The following CRYBG1 variants were observed in gnomAD, a reference collection of about 807,000 sequenced individuals.
CRYBG1 encodes crystallin beta-gamma domain containing 1.
In CRYBG1, 139 loss-of-function variants were observed where a neutral mutation model predicts 189.2. The ratio of observed to expected loss-of-function variants is 0.73; its 90% confidence interval spans 0.64 to 0.85. The LOEUF is 0.85. CRYBG1 is among the 40% of genes least tolerant of loss of function. The pLI, the probability that CRYBG1 is intolerant of heterozygous loss-of-function variation, is 0.00. For missense variants in CRYBG1, 2,611 were observed against 2,675.8 expected (o/e 0.98, Z 0.53); for synonymous variants, 1,023 against 1,017.1 (o/e 1.01, Z -0.11).
intron 1 of CRYBG1, among the ~76,000 whole-genome samples, chr6:106,414,273 T>G (rs977538819): frequency 2.0e-5 from 3 of 152,356 alleles, no homozygotes; most frequent in African/African-American, 7.2e-5. Context: ...CTTAGCAACA[T>G]ATCTGGTTTG....
chr6:106,469,622 T>G (rs1224725113), intron 2 of CRYBG1, among the ~76,000 whole-genome samples: 4 of 152,228 alleles, frequency 2.6e-5, no homozygotes, highest in Non-Finnish European at 5.9e-5. Flanking sequence ...TGATTTCAGT[T>G]GACACAGTAA....
chr6:106,452,335 A>C (rs1390944406), intron 2 of CRYBG1, among the ~76,000 whole-genome samples: 1 of 150,170 alleles, frequency 6.7e-6, no homozygotes, highest in African/African-American at 2.4e-5. Flanking sequence ...AGGCAGGAGA[A>C]TCGCTTAAAC....
At chr6:106,562,539 T>G (rs1199615156) in intron 20 of CRYBG1, among the ~76,000 whole-genome samples, 1 of 152,206 alleles carries the variant, frequency 6.6e-6, no homozygotes, top group Non-Finnish European at 1.5e-5. Flanking sequence ...CAGGCTGGAG[T>G]GCAGTGGCAC....
rs1192182242 is a variant in CRYBG1, at chr6:106,417,529, G to C, written c.174-34165G>C. ...TATAAAGGTTTGGATGTCCCTTAAA[G>C]TCTAGTTTCTGTAAAGATAACCAAG... On this transcript the variant is annotated intron_variant, in intron 1 of 21. Coordinates refer to ENST00000633556, the MANE Select transcript of CRYBG1 (RefSeq NM_001371242.2). Among the ~76,000 whole-genome samples the C allele has an allele frequency of 2.6e-5, 4 of 152,220 alleles. No individual in the cohort carries two copies. The South Asian group carries it at 8.3e-4, about 32-fold the overall frequency.
chr6:106,471,202 C>A (rs973462362), intron 2 of CRYBG1, among the ~76,000 whole-genome samples: 20 of 152,224 alleles, frequency 1.3e-4, no homozygotes, highest in African/African-American at 4.3e-4. Context: ...GAAAGGCTAC[C>A]CAAGCTTGGT....
chr6:106,416,060 T>C (rs1489565172), intron 1 of CRYBG1, among the ~76,000 whole-genome samples: 1 of 152,198 alleles, frequency 6.6e-6, no homozygotes, highest in Non-Finnish European at 1.5e-5. Context: ...GTTTATCTGC[T>C]CTGTTCCCCC....
intron 8 of CRYBG1, among the ~76,000 whole-genome samples, chr6:106,536,783 T>G (rs941921038): frequency 7.2e-5 from 11 of 152,254 alleles, no homozygotes; most frequent in Non-Finnish European, 1.6e-4. Flanking sequence ...TAATCTATAT[T>G]GGCGAAAGCT....
chr6:106,401,484 C>A (rs1359851637), intron 1 of CRYBG1, among the ~76,000 whole-genome samples: 1 of 133,446 alleles, frequency 7.5e-6, no homozygotes, highest in African/African-American at 2.9e-5. Context: ...TATACATGTG[C>A]CATGCTGGTG....
At chr6:106,544,442 A>C in intron 11 of CRYBG1, 129 bp from the exon 12 acceptor site, 1 of 1,087,072 alleles carries the variant, frequency 9.2e-7, no homozygotes, top group East Asian at 2.6e-5. Context: ...AAAGAATTCC[A>C]ATGATAATAA....
At chr6:106,452,747 G>A (rs1285594720) in intron 2 of CRYBG1, among the ~76,000 whole-genome samples, 1 of 152,114 alleles carries the variant, frequency 6.6e-6, no homozygotes, top group Non-Finnish European at 1.5e-5. Flanking sequence ...CTCCAAGGTG[G>A]GAGATAGAGA....
At chr6:106,438,792 A>G (rs1244895414) in intron 1 of CRYBG1, among the ~76,000 whole-genome samples, 5 of 152,344 alleles carry the variant, frequency 3.3e-5, no homozygotes. Context: ...TAATGGTTTG[A>G]TGTCAAATAT....
rs527344217 is a variant in CRYBG1, at chr6:106,561,564, A to T, written c.6138+64A>T. ...GCTAGGAGGTGACTCATCCTTTCAT[A>T]TGCTTTTGATCTTTTCTTCAAGTAG... On this transcript the variant is annotated intron_variant, in intron 20 of 21. Coordinates refer to ENST00000633556, the MANE Select transcript of CRYBG1 (RefSeq NM_001371242.2). 2.7e-5 allele frequency: 42 copies of T among 1,529,974 alleles called. No homozygotes were observed. In the African/African-American group the frequency reaches 5.3e-4, roughly 19 times the overall value. 94.8% of individuals were successfully genotyped at this position (1,529,974 alleles called of 1,614,324 possible). A position where few individuals can be genotyped will look rare whatever the true frequency, so the allele number is the denominator to read the frequency against.
At chr6:106,495,879 G>C (rs1772839903) in intron 2 of CRYBG1, among the ~76,000 whole-genome samples, 1 of 145,770 alleles carries the variant, frequency 6.9e-6, no homozygotes. Context: ...CAAAGGCAAA[G>C]TGATATTCAA....
intron 1 of CRYBG1, among the ~76,000 whole-genome samples, chr6:106,382,877 CT>C (rs1388891943): frequency 2.6e-5 from 4 of 152,244 alleles, no homozygotes; most frequent in African/African-American, 9.6e-5. Context: ...AATCATTGTC[CT>C]TGAGTTAGAC....
chr6:106,521,473 T>G lies in CRYBG1; in HGVS notation c.4245+20T>G, dbSNP rs1562103030. 6.5e-7 allele frequency: 1 copy of G among 1,538,318 alleles called. No individual in the cohort carries two copies. The highest frequency in any genetic ancestry group is 1.4e-5 in the African/African-American group (1 of 72,084). On this transcript the variant is annotated intron_variant, in intron 4 of 21. Transcript: ENST00000633556. ...ACAATGGTAAGTAGCAATGTGTTAT[T>G]ATTTATTTGGGGTATTTTTAAAGCA...
chr6:106,470,104 C>T (rs1322285979), intron 2 of CRYBG1, among the ~76,000 whole-genome samples: 2 of 152,204 alleles, frequency 1.3e-5, no homozygotes, highest in African/African-American at 2.4e-5. Context: ...CACTCCTCTC[C>T]AGTCTGCCCA....
chr6:106,439,387 T>C (rs1184759303), intron 1 of CRYBG1, among the ~76,000 whole-genome samples: 3 of 152,210 alleles, frequency 2.0e-5, no homozygotes, highest in Non-Finnish European at 4.4e-5. Flanking sequence ...TTTTGAATTA[T>C]TGTTAATATT....
chr6:106,525,876 TC>T (rs1330359955), intron 6 of CRYBG1, among the ~76,000 whole-genome samples: 1 of 152,210 alleles, frequency 6.6e-6, no homozygotes, highest in African/African-American at 2.4e-5. Context: ...AAGGCATTTT[TC>T]TAACTTTTTA....
chr6:106,382,788 CA>C (rs1351086062), intron 1 of CRYBG1, among the ~76,000 whole-genome samples: 3 of 152,122 alleles, frequency 2.0e-5, no homozygotes, highest in Non-Finnish European at 4.4e-5. Flanking sequence ...TATTGGCATG[CA>C]AAAGCTAGCT....
Sources: gnomAD v4.1 joint callset for allele counts (sites outside exome capture counted in the v4.1 genomes callset) on GRCh38, gnomAD v4.1.1 for gene constraint, MANE v1.5 for transcripts, NCBI Gene and HGNC (gene_info 2026-07-23, HGNC 2026-07-21) for gene names.